The following CDH23 variants were observed in gnomAD, a reference collection of about 807,000 sequenced individuals.
CDH23 encodes cadherin-23.
A neutral mutation model predicts 317.1 loss-of-function variants in CDH23; 189 were observed. The observed-to-expected ratio is 0.60, with a 90% CI of 0.53 to 0.67. The LOEUF (loss-of-function observed/expected upper bound fraction) is 0.67, where lower values mean the gene tolerates loss of function less well. Ranked by LOEUF, CDH23 falls within the 30% of genes least tolerant of loss-of-function variation. The probability of loss-of-function intolerance (pLI) is 0.00; values close to 1 mark genes in which losing one functional copy is unlikely to be tolerated. For missense variants in CDH23, 4,401 were observed against 4,592.4 expected, an observed-to-expected ratio of 0.96 and a Z score of 1.20; for synonymous variants, 1,839 against 1,876.8, an observed-to-expected ratio of 0.98 and a Z score of 0.52.
At chr10:71,557,349 TAAC>T (rs1856921308) in intron 6 of CDH23, among the ~76,000 whole-genome samples, 1 of 152,224 alleles carries the variant, frequency 6.6e-6, no homozygotes, top group South Asian at 2.1e-4. Context: ...TCATTTTTCT[TAAC>T]AACATTCTCC....
intron 28 of CDH23, chr10:71,715,699 G>T: frequency 2.5e-6 from 1 of 400,046 alleles, no homozygotes. Flanking sequence ...CACATCTCTT[G>T]ACCAGAAGTC....
intron 38 of CDH23, among the ~76,000 whole-genome samples, chr10:71,744,095 G>A (rs974414932): frequency 6.6e-6 from 1 of 152,172 alleles, no homozygotes; most frequent in Non-Finnish European, 1.5e-5. Flanking sequence ...CTAGCTGCAA[G>A]GGAGGTTAGA....
intron 6 of CDH23, among the ~76,000 whole-genome samples, chr10:71,532,711 G>GTTTTTTTTTGTTTTTTTTTTTTTTT (rs1855452212): frequency 9.4e-5 from 12 of 128,154 alleles, no homozygotes; most frequent in Non-Finnish European, 2.1e-4. Context: ...TTTTGTTTTT[G>GTTTTTTTTTGTTTTTTTTTTTTTTT]TTTTTTTTTT....
intron 11 of CDH23, among the ~76,000 whole-genome samples, chr10:71,636,608 CAG>C (rs1862289696): frequency 6.6e-6 from 1 of 152,182 alleles, no homozygotes; most frequent in Non-Finnish European, 1.5e-5. Flanking sequence ...AGAAGGAAAA[CAG>C]GGCCTTCCCC....
chr10:71,638,975 A>G (rs1416716143), intron 11 of CDH23, among the ~76,000 whole-genome samples: 1 of 152,156 alleles, frequency 6.6e-6, no homozygotes, highest in Non-Finnish European at 1.5e-5. Flanking sequence ...GGAAAGCTGC[A>G]GCCCTAGGAG....
chr10:71,751,783 G>T lies in CDH23; in HGVS notation c.4845+9862G>T. The stretch of plus-strand genomic sequence containing the variant: ...GCCGCTGGGCCACATAGGACAGGGG[G>T]TGCCTGACTTTGGCCTCGGGTATCC... On this transcript the variant is annotated intron_variant, in intron 38 of 69. Coordinates refer to ENST00000224721, the MANE Select transcript of CDH23 (RefSeq NM_022124.6). This position sits in a 1 kb window ranked among gnomAD's most constrained non-coding sequence, Gnocchi z 4.9. 6.2e-7 allele frequency: 1 copy of T among 1,600,750 alleles called. No individual in the cohort carries two copies. The highest frequency in any genetic ancestry group is 8.5e-7 in the Non-Finnish European group (1 of 1,173,486).
At chr10:71,789,868 C>A (rs1018766840) in intron 45 of CDH23, among the ~76,000 whole-genome samples, 3 of 152,240 alleles carry the variant, frequency 2.0e-5, no homozygotes, top group Non-Finnish European at 2.9e-5. Context: ...TTGATGCACA[C>A]ATGAGTGGGT....
At position 71,784,413 on chromosome 10, in the gene CDH23, G is replaced by A; in HGVS notation, c.5495G>A (p.Ser1832Asn). The A allele has an allele frequency of 6.2e-7, 1 of 1,612,772 alleles. No individual in the cohort carries two copies. Among genetic ancestry groups the A allele is most frequent in the South Asian group, 1.1e-5 (1 of 90,972 alleles). Residue 1832 changes from serine (S) to asparagine (N), a missense_variant, in exon 42 of 70, where the codon AGC becomes AAC. Physicochemically the swap from Ser to Asn is conservative, Grantham distance 46. Transcript: ENST00000224721. Reference sequence around the variant, plus strand: ...CGTGACCGGGGGATGCCCCCACTCAGCTCCACAGTGAGTCTGGGGGCCCCA... The same window carrying A: ...CGTGACCGGGGGATGCCCCCACTCAACTCCACAGTGAGTCTGGGGGCCCCA... ...CARDRGMPPLSSTMLVGIRVL... is the reference protein window; with the variant it reads ...CARDRGMPPLNSTMLVGIRVL...
chr10:71,540,276 G>C (rs1855916690), intron 6 of CDH23, among the ~76,000 whole-genome samples: 1 of 152,178 alleles, frequency 6.6e-6, no homozygotes, highest in Non-Finnish European at 1.5e-5. Flanking sequence ...CCCTGGACCA[G>C]AAAGCAGCTC....
chr10:71,476,797 G>A (rs749244680), intron 3 of CDH23, among the ~76,000 whole-genome samples: 25 of 152,160 alleles, frequency 1.6e-4, no homozygotes, highest in South Asian at 4.1e-4. Flanking sequence ...CCCCTTTGGC[G>A]TGCTGGCTTG....
chr10:71,780,657 T>C (rs933843076), intron 41 of CDH23, among the ~76,000 whole-genome samples: 3 of 152,128 alleles, frequency 2.0e-5, no homozygotes, highest in Non-Finnish European at 4.4e-5. Flanking sequence ...GGCGTGGCTT[T>C]TGCTCTGAGG....
At chr10:71,405,828 C>T (rs1848070630) in intron 1 of CDH23, among the ~76,000 whole-genome samples, 3 of 152,282 alleles carry the variant, frequency 2.0e-5, no homozygotes, top group Middle Eastern at 6.8e-3. Context: ...TTTAAGATCT[C>T]ACATCTACTG....
chr10:71,556,120 G>A (rs149539390), intron 6 of CDH23, among the ~76,000 whole-genome samples: 540 of 152,338 alleles, frequency 3.5e-3, no homozygotes, highest in Non-Finnish European at 5.5e-3. Flanking sequence ...AACTGAAATC[G>A]AGGACCTCAG....
intron 11 of CDH23, among the ~76,000 whole-genome samples, chr10:71,623,189 G>C (rs890189359): frequency 9.2e-5 from 14 of 152,178 alleles, no homozygotes; most frequent in African/African-American, 3.1e-4. Flanking sequence ...GACAGGGTGG[G>C]ATAGGGTGAT....
chr10:71,554,839 C>T (rs1489751866), intron 6 of CDH23, among the ~76,000 whole-genome samples: 1 of 152,014 alleles, frequency 6.6e-6, no homozygotes, highest in Non-Finnish European at 1.5e-5. Flanking sequence ...ATACCCATTT[C>T]CTGGATGGAA....
intron 3 of CDH23, among the ~76,000 whole-genome samples, chr10:71,509,627 T>C (rs1853840142): frequency 6.6e-6 from 1 of 152,192 alleles, no homozygotes; most frequent in African/African-American, 2.4e-5. Context: ...GATTGGCTAG[T>C]TTGGGTCACA....
Position 71,427,713 on chromosome 10 carries a change from CT to C in CDH23, c.-5-12096del, listed in dbSNP as rs1287974246. Among the ~76,000 whole-genome samples, 1,117 of 133,732 alleles carry C rather than the reference CT, an allele frequency of 8.4e-3. 6 individuals carry two copies. The highest frequency in any genetic ancestry group is 0.016 in the African/African-American group (591 of 36,796). The allele number at this position is 133,732 out of a possible 152,430, so 87.7% of individuals were successfully genotyped here. A position where few individuals can be genotyped will look rare whatever the true frequency, so the allele number is the denominator to read the frequency against. ...GGAGCATAGGGTAATTCTATGCTTA[CT>C]TTTTTTTTTTTTTTTTTAGATGGAG... On this transcript the variant is annotated intron_variant, in intron 1 of 69. Coordinates refer to ENST00000224721, the MANE Select transcript of CDH23 (RefSeq NM_022124.6).
At chr10:71,624,096 G>A (rs929112500) in intron 11 of CDH23, among the ~76,000 whole-genome samples, 2 of 152,210 alleles carry the variant, frequency 1.3e-5, no homozygotes, top group African/African-American at 2.4e-5. Flanking sequence ...GGTAGGAAGG[G>A]GAAGGTGCCG....
rs748691940 is a variant in CDH23, at chr10:71,732,044, T to C, written c.3773T>C (p.Ile1258Thr). The C allele has an allele frequency of 8.1e-6, 13 of 1,613,810 alleles. No individual in the cohort carries two copies. The change falls in exon 32 of 70, where the codon ATT (isoleucine) becomes ACT (threonine). Residue 1258 changes from isoleucine (I) to threonine (T), a missense_variant. By Grantham distance (89) the Ile-to-Thr change is moderately conservative. Transcript: ENST00000224721. ...ILSGAEGKFE[I>T]DESTGLIITV... is the part of the protein sequence containing the mutation. ...TCGGGCGCAGAGGGGAAGTTTGAGA[T>C]TGACGAGAGCACAGGGCTTATCATC...
Sources: allele counts gnomAD v4.1 joint callset (sites outside exome capture counted in the v4.1 genomes callset), GRCh38; gene constraint gnomAD v4.1.1; non-coding constraint Gnocchi (gnomAD v3.1); transcripts MANE v1.5; gene names NCBI Gene and HGNC (gene_info 2026-07-23, HGNC 2026-07-21).